Variants in SPAG16 observed in about 807,000 individuals in gnomAD.
The protein encoded by SPAG16 is sperm-associated antigen 16 protein.
Under a neutral mutation model 80.4 loss-of-function variants are expected in SPAG16, and 86 were observed. That is an observed-to-expected ratio of 1.07 (90% CI 0.90 to 1.28). The LOEUF is 1.28. Among genes scored for constraint, SPAG16 ranks in the 50% most tolerant of loss-of-function variants. The probability of loss-of-function intolerance (pLI) is 0.00; values close to 1 mark genes in which losing one functional copy is unlikely to be tolerated. For synonymous variants in SPAG16, 294 were observed against 265.9 expected, an observed-to-expected ratio of 1.11 and a Z score of -1.03; for missense variants, 870 against 765.3, an observed-to-expected ratio of 1.14 and a Z score of -1.61.
intron 12 of SPAG16, among the ~76,000 whole-genome samples, chr2:213,955,625 G>C (rs1436531705): frequency 1.3e-5 from 2 of 151,960 alleles, no homozygotes; most frequent in Admixed American, 6.6e-5. Context: ...TTCCAACTTT[G>C]TTCTTTTTTA....
At chr2:213,819,550 C>CT (rs1009452627) in intron 10 of SPAG16, among the ~76,000 whole-genome samples, 57 of 148,226 alleles carry the variant, frequency 3.8e-4, no homozygotes, top group Admixed American at 6.7e-4. Context: ...TCTTTGAAAA[C>CT]TTTTTTTTTT....
At chr2:213,989,324 C>T (rs189929705) in intron 12 of SPAG16, among the ~76,000 whole-genome samples, 2 of 152,206 alleles carry the variant, frequency 1.3e-5, no homozygotes, top group East Asian at 1.9e-4. Context: ...CATTCTATAT[C>T]CCCATTGTCT....
intron 15 of SPAG16, chr2:214,239,320 C>T (rs1689303293): frequency 6.6e-6 from 1 of 152,154 alleles, no homozygotes; most frequent in Non-Finnish European, 1.5e-5. Flanking sequence ...TGCACCCAGC[C>T]TTAATCATTT....
At chr2:214,074,275 C>T (rs571224093) in intron 13 of SPAG16, among the ~76,000 whole-genome samples, 74 of 152,178 alleles carry the variant, frequency 4.9e-4, no homozygotes, top group Non-Finnish European at 8.4e-4. Flanking sequence ...TATTCTGTCA[C>T]GGAAATCTCA....
chr2:214,330,059 G>A (rs1696797964), intron 15 of SPAG16, among the ~76,000 whole-genome samples: 1 of 151,156 alleles, frequency 6.6e-6, no homozygotes, highest in Non-Finnish European at 1.5e-5. Flanking sequence ...CTGAGGTCAG[G>A]AGTTCAAGAC....
rs547926088 is a variant in SPAG16, at chr2:214,040,271, G to C, written c.1527+26194G>C. ...TTTAGAAGTGTAGTTGAATTTGGGG[G>C]AAGGACTGATATCTCTTTCTTCCAT... On this transcript the variant is annotated intron_variant, in intron 13 of 15. Coordinates refer to ENST00000331683, the MANE Select transcript of SPAG16 (RefSeq NM_024532.5). 1.8e-4 allele frequency among the ~76,000 whole-genome samples: 28 copies of C among 152,230 alleles called. No individual in the cohort carries two copies. In the South Asian group the frequency reaches 5.2e-3, roughly 28 times the overall value.
intron 12 of SPAG16, among the ~76,000 whole-genome samples, chr2:213,940,065 G>A (rs2079136211): frequency 6.6e-6 from 1 of 151,744 alleles, no homozygotes; most frequent in Non-Finnish European, 1.5e-5. Context: ...GAAAATTTAT[G>A]GTAATTACAT....
intron 9 of SPAG16, among the ~76,000 whole-genome samples, chr2:213,416,876 G>A (rs926958160): frequency 2.6e-5 from 4 of 152,162 alleles, no homozygotes; most frequent in Admixed American, 6.5e-5. Flanking sequence ...TAGGAGCAAG[G>A]GAAAAGGATT....
chr2:214,120,953 C>T (rs1314617159), intron 14 of SPAG16, among the ~76,000 whole-genome samples: 1 of 151,666 alleles, frequency 6.6e-6, no homozygotes, highest in African/African-American at 2.4e-5. Flanking sequence ...ACTTGCTTTC[C>T]CATAATCCAC....
intron 5 of SPAG16, among the ~76,000 whole-genome samples, chr2:213,320,539 C>A (rs535814153): frequency 1.3e-5 from 2 of 152,010 alleles, no homozygotes; most frequent in Admixed American, 6.6e-5. Context: ...TAACCAATTT[C>A]TCTTCATCTC....
intron 15 of SPAG16, among the ~76,000 whole-genome samples, chr2:214,360,053 G>T (rs1162990009): frequency 6.6e-6 from 1 of 151,738 alleles, no homozygotes; most frequent in Admixed American, 6.6e-5. Context: ...ACAGAACTTG[G>T]TCAGCAATTT....
chr2:213,346,105 T>C (rs2064969362), intron 6 of SPAG16, among the ~76,000 whole-genome samples: 1 of 152,192 alleles, frequency 6.6e-6, no homozygotes, highest in Non-Finnish European at 1.5e-5. Context: ...ACATCCCTTG[T>C]AAGTTGGATT....
At chr2:213,915,077 G>A (rs148818644) in intron 11 of SPAG16, among the ~76,000 whole-genome samples, 3 of 151,986 alleles carry the variant, frequency 2.0e-5, no homozygotes, top group Admixed American at 1.3e-4. Context: ...TCAAAGTCAC[G>A]TCTTACATGG....
chr2:213,635,059 A>G (rs1195940934), intron 10 of SPAG16, among the ~76,000 whole-genome samples: 1 of 148,370 alleles, frequency 6.7e-6, no homozygotes, highest in African/African-American at 2.5e-5. Context: ...TTTTTGAGAC[A>G]GAGTCTCGCT....
chr2:214,159,565 A>T (rs1189233936), intron 15 of SPAG16, among the ~76,000 whole-genome samples: 1 of 152,024 alleles, frequency 6.6e-6, no homozygotes, highest in East Asian at 1.9e-4. Flanking sequence ...GAGCCTGCAC[A>T]GTTGGCACTT....
chr2:214,128,539 A>G (rs984714164), intron 14 of SPAG16, among the ~76,000 whole-genome samples: 2 of 151,850 alleles, frequency 1.3e-5, no homozygotes, highest in African/African-American at 4.8e-5. Context: ...AAAATCAATT[A>G]ATATGCATCC....
chr2:213,669,605 T>C (rs1482047830), intron 10 of SPAG16, among the ~76,000 whole-genome samples: 4 of 152,198 alleles, frequency 2.6e-5, no homozygotes, highest in Non-Finnish European at 5.9e-5. Flanking sequence ...ACCTTGAAAA[T>C]CTTTATATCC....
At chr2:214,236,400 C>T (rs1314823392) in intron 15 of SPAG16, among the ~76,000 whole-genome samples, 2 of 152,156 alleles carry the variant, frequency 1.3e-5, no homozygotes, top group Non-Finnish European at 2.9e-5. Context: ...CGCCACACTC[C>T]CAACACTTTG....
chr2:214,217,932 TTAC>T (rs1254401291), intron 15 of SPAG16, among the ~76,000 whole-genome samples: 1 of 152,184 alleles, frequency 6.6e-6, no homozygotes, highest in Non-Finnish European at 1.5e-5. Context: ...CTTAAAAATG[TTAC>T]TGAGGACTCC....
Sources: allele counts gnomAD v4.1 joint callset (sites outside exome capture counted in the v4.1 genomes callset), GRCh38; gene constraint gnomAD v4.1.1; transcripts MANE v1.5; gene names NCBI Gene and HGNC (gene_info 2026-07-23, HGNC 2026-07-21).